Variants in TPTE observed in about 807,000 individuals in gnomAD.
TPTE encodes transmembrane phosphatase with tensin homology.
TPTE carries 59 observed loss-of-function variants against 84.1 expected under a neutral mutation model. That is an observed-to-expected ratio of 0.70 (90% CI 0.57 to 0.87). The LOEUF is 0.87. Ranked by LOEUF, TPTE falls within the 40% of genes least tolerant of loss-of-function variation. The pLI is 0.00. For synonymous variants in TPTE, 130 were observed against 223.5 expected (o/e 0.58, Z 3.73); for missense variants, 382 against 659.6 (o/e 0.58, Z 4.61).
At chr21:10,554,521 C>G (rs1600892771) in intron 8 of TPTE, among the ~76,000 whole-genome samples, 1 of 152,308 alleles carries the variant, frequency 6.6e-6, no homozygotes, top group Non-Finnish European at 1.5e-5. Flanking sequence ...CTTTGACACA[C>G]CTTCATTTAT....
At chr21:10,542,090 T>C (rs1245028856) in intron 5 of TPTE, among the ~76,000 whole-genome samples, 1 of 152,308 alleles carries the variant, frequency 6.6e-6, no homozygotes, top group African/African-American at 2.4e-5. Flanking sequence ...TACCTACAAA[T>C]TGGAGTTGAG....
chr21:10,555,319 G>A (rs147886611), intron 8 of TPTE, among the ~76,000 whole-genome samples: 2,304 of 151,328 alleles, frequency 0.015, no homozygotes, highest in East Asian at 0.15. Context: ...CGATTCTCCT[G>A]CCTCAGCCTC....
chr21:10,603,105 C>A (rs1442579262), intron 22 of TPTE, among the ~76,000 whole-genome samples: 1 of 152,312 alleles, frequency 6.6e-6, no homozygotes, highest in African/African-American at 2.4e-5. Flanking sequence ...CATGGAGAAA[C>A]TGGGAGGAGG....
intron 8 of TPTE, among the ~76,000 whole-genome samples, chr21:10,558,927 C>T (rs210539): frequency 0.11 from 15,809 of 146,040 alleles, 7 homozygotes; most frequent in African/African-American, 0.29. Context: ...CCCAGTCTTT[C>T]GGGTGTTTCT....
chr21:10,555,243 C>T (rs1452497358), intron 8 of TPTE, among the ~76,000 whole-genome samples: 27 of 152,396 alleles, frequency 1.8e-4, no homozygotes, highest in African/African-American at 6.5e-4. Context: ...GAGTCTCGCT[C>T]TGTCACCAGG....
intron 3 of TPTE, among the ~76,000 whole-genome samples, chr21:10,535,037 T>C (rs1245978888): frequency 6.6e-6 from 1 of 152,308 alleles, no homozygotes; most frequent in Non-Finnish European, 1.5e-5. Context: ...GGTTGGCTTT[T>C]TATGAAGGCT....
chr21:10,551,998 A>C (rs2074584616), intron 7 of TPTE, among the ~76,000 whole-genome samples: 1 of 152,312 alleles, frequency 6.6e-6, no homozygotes, highest in Non-Finnish European at 1.5e-5. Context: ...TTGCTACAGC[A>C]AACTTCATTG....
intron 10 of TPTE, 62 bp downstream of exon 10, chr21:10,561,253 G>T: frequency 1.9e-6 from 3 of 1,595,618 alleles, no homozygotes; most frequent in Non-Finnish European, 2.6e-6. Flanking sequence ...AAGCACTTTC[G>T]GAGGCTGAGG....
chr21:10,538,630 A>G (rs553090012), intron 3 of TPTE, 51 bp from the exon 4 acceptor site: 73 of 1,613,158 alleles, frequency 4.5e-5, no homozygotes, highest in South Asian at 3.5e-4. Context: ...CCAGAAAAGT[A>G]AATTTTGAAT....
At chr21:10,560,511 C>G (rs915992969) in intron 9 of TPTE, among the ~76,000 whole-genome samples, 1 of 152,304 alleles carries the variant, frequency 6.6e-6, no homozygotes, top group African/African-American at 2.4e-5. Context: ...GCCCATCACT[C>G]TGCTAGAAGC....
chr21:10,592,147 A>T, intron 18 of TPTE, 146 bp from the exon 19 acceptor site: 3 of 1,355,478 alleles, frequency 2.2e-6, no homozygotes, highest in Non-Finnish European at 3.0e-6. Flanking sequence ...TCTGGGTTAC[A>T]GAGCAAGACT....
At chr21:10,543,198 T>A in intron 6 of TPTE, 131 bp from the exon 7 acceptor site, 1 of 1,274,016 alleles carries the variant, frequency 7.8e-7, no homozygotes, top group Non-Finnish European at 1.1e-6. Flanking sequence ...CCCAGCTAAT[T>A]TTTTTTTGTA....
chr21:10,557,492 TTTA>T (rs2145664669), intron 8 of TPTE, among the ~76,000 whole-genome samples: 1 of 152,306 alleles, frequency 6.6e-6, no homozygotes, highest in East Asian at 1.9e-4. Context: ...TGAGTTCAGA[TTTA>T]TGACATTTCC....
intron 3 of TPTE, among the ~76,000 whole-genome samples, chr21:10,536,554 A>G (rs1457781125): frequency 2.0e-5 from 3 of 152,312 alleles, no homozygotes; most frequent in South Asian, 2.1e-4. Context: ...CTGTCTATCT[A>G]GACACACAAA....
At chr21:10,545,240 A>T (rs1229560802) in intron 7 of TPTE, among the ~76,000 whole-genome samples, 1 of 152,310 alleles carries the variant, frequency 6.6e-6, no homozygotes, top group South Asian at 2.1e-4. Flanking sequence ...GATTGGTAAA[A>T]TTCATTCACA....
chr21:10,572,840 A>C (rs1398423989), intron 14 of TPTE, among the ~76,000 whole-genome samples: 2 of 152,302 alleles, frequency 1.3e-5, no homozygotes, highest in Admixed American at 6.5e-5. Context: ...AGATATACAC[A>C]TGAGAAAGAG....
chr21:10,527,133 CCTCTCTCTCT>C (rs59412977), intron 2 of TPTE, among the ~76,000 whole-genome samples: 1 of 148,498 alleles, frequency 6.7e-6, no homozygotes, highest in East Asian at 1.9e-4. Context: ...TTCTGTGTCC[CCTCTCTCTCT>C]CTCTCTCTCT....
chr21:10,561,000 T>C, intron 9 of TPTE, 30 bp from the exon 10 acceptor site: 1 of 1,578,686 alleles, frequency 6.3e-7, no homozygotes, highest in Non-Finnish European at 8.5e-7. Context: ...TTTGCATTTA[T>C]TTATTTATTT....
intron 2 of TPTE, among the ~76,000 whole-genome samples, chr21:10,526,744 G>A (rs2074085822): frequency 6.6e-6 from 1 of 152,304 alleles, no homozygotes; most frequent in South Asian, 2.1e-4. Context: ...GTAGAGAGCA[G>A]GTTGTCTAAA....
Sources: gnomAD v4.1 joint callset for allele counts (sites outside exome capture counted in the v4.1 genomes callset) on GRCh38, gnomAD v4.1.1 for gene constraint, MANE v1.5 for transcripts, NCBI Gene and HGNC (gene_info 2026-07-23, HGNC 2026-07-21) for gene names.